DYNLRB1: variants seen among roughly 807,000 people sequenced by gnomAD.
DYNLRB1 encodes dynein light chain roadblock-type 1.
In DYNLRB1, 6 loss-of-function variants were observed where a neutral mutation model predicts 13.5. The observed-to-expected ratio is 0.44, with a 90% CI of 0.24 to 0.88. The LOEUF is 0.88. Among genes scored for constraint, DYNLRB1 ranks in the 40% least tolerant of loss-of-function variants. The probability of loss-of-function intolerance (pLI) is 0.21; values close to 1 mark genes in which losing one functional copy is unlikely to be tolerated. For missense variants in DYNLRB1, 93 were observed against 127.2 expected, an observed-to-expected ratio of 0.73 and a Z score of 1.29; for synonymous variants, 43 against 45.0, an observed-to-expected ratio of 0.96 and a Z score of 0.18.
rs75110623 is a variant in DYNLRB1 at position 34,540,441 on chromosome 20, A to T, written c.248-140A>T. The T allele has an allele frequency of 2.2e-4, 173 of 775,218 alleles. No homozygotes were observed. In the African/African-American group the frequency reaches 2.8e-3, roughly 12 times the overall value. 48.0% of individuals were successfully genotyped at this position (775,218 alleles called of 1,614,324 possible). On this transcript the variant is annotated intron_variant, in intron 3 of 3. Transcript: ENST00000357156. Reference sequence around the variant, plus strand: ...TATCTTCCGTTTTCCCAGCATTTGGAGATGCTGAACGTTGATGCTTTTTGT... The same window carrying T: ...TATCTTCCGTTTTCCCAGCATTTGGTGATGCTGAACGTTGATGCTTTTTGT...
At chr20:34,526,723 A>G in intron 2 of DYNLRB1, 1 of 202,110 alleles carries the variant, frequency 4.9e-6, no homozygotes. Context: ...GACCATAATC[A>G]TAGTTGTTAC....
At chr20:34,536,365 G>GGA in intron 3 of DYNLRB1, 1 of 985,366 alleles carries the variant, frequency 1.0e-6, no homozygotes, top group Non-Finnish European at 1.2e-6. Flanking sequence ...CTGGGTTGGG[G>GGA]GAAAAAGCCT....
chr20:34,524,442 C>T (rs11905750), intron 1 of DYNLRB1, among the ~76,000 whole-genome samples: 5 of 152,178 alleles, frequency 3.3e-5, no homozygotes, highest in African/African-American at 1.2e-4. Context: ...CTGCATTCTG[C>T]TATTGCAAAT....
rs138445935 is a variant in DYNLRB1 at position 34,521,138 on chromosome 20, G to A, written c.3+4677G>A. ...AGCAATTTTCCTGCCTCAGCCTCCT[G>A]AGTAGCTGGGATTACAGGCCCATGC... On this transcript the variant is annotated intron_variant, in intron 1 of 3. Coordinates refer to ENST00000357156, the MANE Select transcript of DYNLRB1 (RefSeq NM_014183.4). Among the ~76,000 whole-genome samples the A allele has an allele frequency of 1.2e-4, 18 of 152,106 alleles. 1 individual carries two copies. The East Asian group carries it at 3.5e-3, about 29-fold the overall frequency.
chr20:34,524,818 G>C (rs1980056258), intron 1 of DYNLRB1, among the ~76,000 whole-genome samples: 1 of 151,982 alleles, frequency 6.6e-6, no homozygotes, highest in Admixed American at 6.5e-5. Context: ...CCACCCCGCG[G>C]GTTCACGCCA....
chr20:34,538,177 A>G (rs1012074855), intron 3 of DYNLRB1, among the ~76,000 whole-genome samples: 2 of 121,774 alleles, frequency 1.6e-5, no homozygotes, highest in Non-Finnish European at 3.2e-5. Flanking sequence ...TATGTTGCCC[A>G]GGCTGGTGTC....
Position 34,540,566 on chromosome 20 carries a change from T to C in DYNLRB1, c.248-15T>C. On this transcript the variant is annotated splice_polypyrimidine_tract_variant and intron_variant, in intron 3 of 3. Coordinates refer to ENST00000357156, the MANE Select transcript of DYNLRB1 (RefSeq NM_014183.4). The stretch of plus-strand genomic sequence containing the variant: ...TTTACATTTAGTGATTTTTTTTCAT[T>C]TTTCTCTTTTGCAGATAAAGACTAT... The C allele has an allele frequency of 6.2e-7, 1 of 1,612,010 alleles. No homozygotes were observed. Among genetic ancestry groups the C allele is most frequent in the Non-Finnish European group, 8.5e-7 (1 of 1,179,052 alleles).
chr20:34,531,501 G>A (rs1006145007), intron 2 of DYNLRB1, among the ~76,000 whole-genome samples: 6 of 152,112 alleles, frequency 3.9e-5, no homozygotes, highest in African/African-American at 7.2e-5. Context: ...GTACTTCCAC[G>A]TTTTCTTTTG....
chr20:34,528,552 T>G (rs180798934), intron 2 of DYNLRB1, among the ~76,000 whole-genome samples: 1 of 152,176 alleles, frequency 6.6e-6, no homozygotes, highest in African/African-American at 2.4e-5. Flanking sequence ...CCACAGTGGG[T>G]GTTGCCATCA....
rs1399204874 is a variant in DYNLRB1, at chr20:34,531,482, C to T, written c.80-3146C>T. ...TTTTAATTTCTTCCCGGTTTTGGTC[C>T]TTGGCCCTGTACTTCCACGTTTTCT... On this transcript the variant is annotated intron_variant, in intron 2 of 3. Coordinates refer to ENST00000357156, the MANE Select transcript of DYNLRB1 (RefSeq NM_014183.4). Among the ~76,000 whole-genome samples, 5 of 152,340 alleles carry T rather than the reference C, an allele frequency of 3.3e-5. No homozygotes were observed. In the East Asian group the frequency reaches 9.6e-4, roughly 29 times the overall value.
chr20:34,523,470 C>T (rs1458415025), intron 1 of DYNLRB1, among the ~76,000 whole-genome samples: 1 of 152,180 alleles, frequency 6.6e-6, no homozygotes, highest in African/African-American at 2.4e-5. Context: ...TGCTCCCTGC[C>T]CTTCAGCCAC....
At chr20:34,517,627 C>CTTTTTTTTTTTTTT (rs60155819) in intron 1 of DYNLRB1, among the ~76,000 whole-genome samples, 1 of 120,410 alleles carries the variant, frequency 8.3e-6, no homozygotes. Context: ...TTCATTATTT[C>CTTTTTTTTTTTTTT]TTTTTTTTTT....
intron 1 of DYNLRB1, among the ~76,000 whole-genome samples, chr20:34,517,627 CTTTTTT>C (rs60155819): frequency 1.0e-4 from 12 of 120,406 alleles, no homozygotes; most frequent in South Asian, 8.0e-4. Context: ...TTCATTATTT[CTTTTTT>C]TTTTTTTTTT....
At position 34,526,331 on chromosome 20, in the gene DYNLRB1, G is replaced by A. The variant is rs747674616; in HGVS notation, c.67G>A (p.Val23Met). ...SQKGVQGIIV[V>M]NTEGIPIKST... is the part of the protein sequence containing the mutation. The stretch of plus-strand genomic sequence containing the variant: ...GAAGGGAGTGCAGGGAATCATCGTC[G>A]TGAACACAGAAGGTACGCCCTCCCT... The change falls in exon 2 of 4, where the codon GTG (valine) becomes ATG (methionine). Residue 23 changes from valine (V) to methionine (M), a missense_variant. Transcript: ENST00000357156. The A allele has an allele frequency of 1.6e-5, 26 of 1,613,952 alleles. 1 individual carries two copies. The highest frequency in any genetic ancestry group is 3.3e-4 in the Middle Eastern group (2 of 6,080).
At chr20:34,517,002 T>A in intron 1 of DYNLRB1, 1 of 1,243,052 alleles carries the variant, frequency 8.0e-7, no homozygotes, top group Non-Finnish European at 1.0e-6. Flanking sequence ...CGGCCGCCAC[T>A]CTGTCGGCGT....
upstream of DYNLRB1, chr20:34,516,349 T>TC (rs1979162389): frequency 2.7e-6 from 4 of 1,476,062 alleles, no homozygotes; most frequent in Non-Finnish European, 3.6e-6. Context: ...TCACGCTGGC[T>TC]CCTGATAGGC....
chr20:34,515,716 G>C (rs6058070), upstream of DYNLRB1, among the ~76,000 whole-genome samples: 73,038 of 151,800 alleles, frequency 0.48, 17,863 homozygotes, highest in Middle Eastern at 0.51. Context: ...CCTCTCTCTG[G>C]CTCAGTCTGG....
intron 1 of DYNLRB1, among the ~76,000 whole-genome samples, chr20:34,524,752 G>T (rs1179111222): frequency 3.3e-5 from 5 of 151,006 alleles, no homozygotes; most frequent in African/African-American, 1.2e-4. Flanking sequence ...TTTGGAAATG[G>T]AGTCCCAGTC....
chr20:34,516,807 A>T (rs1277084283), intron 1 of DYNLRB1: 1 of 1,550,034 alleles, frequency 6.5e-7, no homozygotes, highest in Non-Finnish European at 8.7e-7. Flanking sequence ...CCGGGAGCTC[A>T]GTTTGTGGCA....
Sources: allele counts gnomAD v4.1 joint callset (sites outside exome capture counted in the v4.1 genomes callset), GRCh38; gene constraint gnomAD v4.1.1; transcripts MANE v1.5; gene names NCBI Gene and HGNC (gene_info 2026-07-23, HGNC 2026-07-21).